Variants in SPAG17 observed in about 807,000 individuals in gnomAD.
SPAG17 encodes the protein sperm-associated antigen 17.
SPAG17 carries 169 observed loss-of-function variants against 273.6 expected under a neutral mutation model. The observed-to-expected ratio is 0.62, with a 90% CI of 0.55 to 0.70. The LOEUF (loss-of-function observed/expected upper bound fraction) is 0.70, where lower values mean the gene tolerates loss of function less well. Ranked by LOEUF, SPAG17 falls within the 30% of genes least tolerant of loss-of-function variation. The pLI, the probability that SPAG17 is intolerant of heterozygous loss-of-function variation, is 0.00. For missense variants in SPAG17, 2,557 were observed against 2,627.8 expected (o/e 0.97, Z 0.59); for synonymous variants, 825 against 873.2 (o/e 0.94, Z 0.97).
chr1:118,069,622 T>C (rs541259516), intron 17 of SPAG17, among the ~76,000 whole-genome samples: 1 of 152,276 alleles, frequency 6.6e-6, no homozygotes, highest in East Asian at 1.9e-4. Flanking sequence ...GGTAGAATTT[T>C]GAGTAAGGTA....
chr1:118,179,320 G>C (rs1344508142), intron 1 of SPAG17, among the ~76,000 whole-genome samples: 1 of 151,854 alleles, frequency 6.6e-6, no homozygotes, highest in Non-Finnish European at 1.5e-5. Context: ...AGTGCCAAGA[G>C]CTTACAATAG....
chr1:118,156,046 C>A (rs886934113), intron 1 of SPAG17, among the ~76,000 whole-genome samples: 2 of 152,212 alleles, frequency 1.3e-5, no homozygotes, highest in African/African-American at 2.4e-5. Flanking sequence ...CTATTAACGA[C>A]CATGCTATGC....
At chr1:117,966,392 T>A in intron 47 of SPAG17, 1 of 399,830 alleles carries the variant, frequency 2.5e-6, no homozygotes, top group Non-Finnish European at 4.4e-6. Context: ...ATTTATTCAA[T>A]CTGAAGTTAC....
Position 117,992,567 on chromosome 1 carries a change from C to T in SPAG17, c.5260G>A (p.Gly1754Ser), listed in dbSNP as rs1657221197. Reference protein sequence around the residue: ...IESKQLVSAPGAILKSPSVLQ... With the variant: ...IESKQLVSAPSAILKSPSVLQ... ...ACACTGGGGCTCTTGAGTATGGCAC[C>T]CGGGGCACTCACTAGCTGTTTGGAC... Residue 1754 changes from glycine to serine, a missense_variant, in exon 36 of 49, where the codon GGT becomes AGT. Coordinates refer to ENST00000336338, the MANE Select transcript of SPAG17 (RefSeq NM_206996.4). The T allele has an allele frequency of 6.8e-6, 11 of 1,613,644 alleles. No homozygotes were observed. The highest frequency in any genetic ancestry group is 7.6e-6 in the Non-Finnish European group (9 of 1,179,820).
At chr1:118,139,944 T>C (rs1350840439) in intron 3 of SPAG17, among the ~76,000 whole-genome samples, 1 of 152,082 alleles carries the variant, frequency 6.6e-6, no homozygotes, top group African/African-American at 2.4e-5. Flanking sequence ...ACTGGGTTAA[T>C]AGATTAATAG....
At chr1:118,116,112 T>C (rs1337328531) in intron 3 of SPAG17, among the ~76,000 whole-genome samples, 1 of 152,160 alleles carries the variant, frequency 6.6e-6, no homozygotes, top group Non-Finnish European at 1.5e-5. Flanking sequence ...CAGCCTGTTT[T>C]ATGACTGTGT....
intron 3 of SPAG17, among the ~76,000 whole-genome samples, chr1:118,149,857 T>C (rs1275497950): frequency 1.3e-5 from 2 of 152,200 alleles, no homozygotes; most frequent in African/African-American, 4.8e-5. Context: ...TCACTGGATT[T>C]TTATAGTTTC....
In SPAG17 at chr1:117,954,014, G is replaced by A; in HGVS notation, c.*36C>T. 1 of 1,611,140 alleles carries A rather than the reference G, an allele frequency of 6.2e-7. No individual in the cohort carries two copies. Among genetic ancestry groups the A allele is most frequent in the South Asian group, 1.1e-5 (1 of 90,870 alleles). The stretch of plus-strand genomic sequence containing the variant: ...CTTTCTCATCCTCTGTAGGCTGAGA[G>A]GATTATGGAGGCTATTGAGTTGTAC... On this transcript the variant is annotated 3_prime_UTR_variant, in exon 49 of 49. Coordinates refer to ENST00000336338, the MANE Select transcript of SPAG17 (RefSeq NM_206996.4).
chr1:118,056,282 A>C (rs1352339785), intron 18 of SPAG17, among the ~76,000 whole-genome samples: 1 of 152,200 alleles, frequency 6.6e-6, no homozygotes, highest in Non-Finnish European at 1.5e-5. Context: ...TGTTAGTTGG[A>C]GAATAATACA....
intron 3 of SPAG17, among the ~76,000 whole-genome samples, chr1:118,138,634 T>C (rs1369389994): frequency 6.6e-6 from 1 of 151,894 alleles, no homozygotes; most frequent in African/African-American, 2.4e-5. Context: ...TTGTAGAAAA[T>C]GTGGAACCAA....
At chr1:118,135,372 TGTG>T (rs1277274732) in intron 3 of SPAG17, among the ~76,000 whole-genome samples, 1 of 9,800 alleles carries the variant, frequency 1.0e-4, no homozygotes, top group Admixed American at 7.6e-4. Context: ...GCTCAAGCAA[TGTG>T]TGTGTGTGTG....
chr1:117,984,780 T>C lies in SPAG17; in HGVS notation c.5672A>G (p.Lys1891Arg). 1 of 1,588,652 alleles carries C rather than the reference T, an allele frequency of 6.3e-7. No homozygotes were observed. Among genetic ancestry groups the C allele is most frequent in the Non-Finnish European group, 8.6e-7 (1 of 1,158,088 alleles). Reference sequence around the variant, plus strand: ...GTAATTCTGTGTTGTCTCAATTTCCTTCCTGGTTGATGTTTCCATGATGAT... The same window carrying C: ...GTAATTCTGTGTTGTCTCAATTTCCCTCCTGGTTGATGTTTCCATGATGAT... The part of the protein sequence containing the change: ...RWKEKIDKTR[K>R]EIETTQNYLM... Residue 1891 changes from lysine to arginine, a missense_variant and splice_region_variant, in exon 41 of 49, where the codon AAG becomes AGG. Transcript: ENST00000336338.
At chr1:118,008,781 G>A (rs1006484207) in intron 30 of SPAG17, among the ~76,000 whole-genome samples, 33 of 151,968 alleles carry the variant, frequency 2.2e-4, no homozygotes, top group Admixed American at 1.7e-3. Flanking sequence ...TCAAGACCTC[G>A]AACCATCTTG....
intron 3 of SPAG17, among the ~76,000 whole-genome samples, chr1:118,139,563 A>G (rs775722100): frequency 7.2e-5 from 11 of 152,366 alleles, no homozygotes; most frequent in Non-Finnish European, 1.5e-4. Flanking sequence ...GAATCAATCT[A>G]AGCGTTCATC....
intron 4 of SPAG17, among the ~76,000 whole-genome samples, chr1:118,106,290 C>G (rs1034583665): frequency 6.6e-6 from 1 of 152,132 alleles, no homozygotes; most frequent in South Asian, 2.1e-4. Flanking sequence ...TATTCTATCT[C>G]GTCAAGTCTT....
At chr1:118,054,191 G>A (rs772769138) in intron 19 of SPAG17, 98 bp from the exon 20 acceptor site, 29 of 694,356 alleles carry the variant, frequency 4.2e-5, no homozygotes, top group Non-Finnish European at 6.9e-5. Context: ...AGGCTTTCAA[G>A]TTCAACTTCT....
chr1:118,134,561 T>C (rs1211252230), intron 3 of SPAG17, among the ~76,000 whole-genome samples: 2 of 152,166 alleles, frequency 1.3e-5, no homozygotes, highest in Non-Finnish European at 2.9e-5. Flanking sequence ...CCCCTCCAAC[T>C]TCCCATGGAA....
intron 48 of SPAG17, chr1:117,962,337 C>T (rs1205779241): frequency 6.6e-6 from 1 of 152,164 alleles, no homozygotes; most frequent in Admixed American, 6.5e-5. Flanking sequence ...AATTTCTAGT[C>T]ATTAAGTCAG....
chr1:118,132,263 G>GGA (rs1405127577), intron 3 of SPAG17, among the ~76,000 whole-genome samples: 1 of 152,114 alleles, frequency 6.6e-6, no homozygotes, highest in Non-Finnish European at 1.5e-5. Flanking sequence ...AGTGACGAGA[G>GGA]GAGAGCAGTG....
Sources: gnomAD v4.1 joint callset for allele counts (sites outside exome capture counted in the v4.1 genomes callset) on GRCh38, gnomAD v4.1.1 for gene constraint, MANE v1.5 for transcripts, NCBI Gene and HGNC (gene_info 2026-07-23, HGNC 2026-07-21) for gene names.